The following EYS variants were observed in gnomAD, a reference collection of about 807,000 sequenced individuals.
EYS encodes protein eyes shut homolog.
EYS carries 250 observed loss-of-function variants against 282.1 expected under a neutral mutation model. The observed-to-expected ratio is 0.89, with a 90% CI of 0.80 to 0.98. The LOEUF (loss-of-function observed/expected upper bound fraction) is 0.98. EYS is among the 50% of genes least tolerant of loss of function. The probability of loss-of-function intolerance (pLI) is 0.00; values close to 1 mark genes in which losing one functional copy is unlikely to be tolerated. For synonymous variants in EYS, 1,355 were observed against 1,282.9 expected, an observed-to-expected ratio of 1.06 and a Z score of -1.20; for missense variants, 4,016 against 3,709.0, an observed-to-expected ratio of 1.08 and a Z score of -2.15.
intron 33 of EYS, among the ~76,000 whole-genome samples, chr6:64,023,425 G>A (rs1769287749): frequency 6.6e-6 from 1 of 152,210 alleles, no homozygotes; most frequent in South Asian, 2.1e-4. Flanking sequence ...CCATTAAACT[G>A]TTTCTACCAT....
At position 65,512,278 on chromosome 6, in the gene EYS, G is replaced by A. The variant is rs193176542; in HGVS notation, c.-332-16285C>T. Among the ~76,000 whole-genome samples the A allele has an allele frequency of 9.4e-4, 143 of 152,088 alleles. 1 individual carries two copies. The highest frequency in any genetic ancestry group is 3.3e-3 in the African/African-American group (136 of 41,508). On this transcript the variant is annotated intron_variant, in intron 2 of 42. Transcript: ENST00000503581. ...GAGGCCAAGGCAGGCGGTTCACGAG[G>A]TCAGGAGATCGAGACCATCCTAATT...
intron 26 of EYS, among the ~76,000 whole-genome samples, chr6:64,475,211 T>G (rs1161506693): frequency 1.3e-5 from 2 of 152,170 alleles, no homozygotes; most frequent in Non-Finnish European, 2.9e-5. Flanking sequence ...TGCCTCATAT[T>G]ATACTCCACA....
intron 14 of EYS, among the ~76,000 whole-genome samples, chr6:64,947,576 G>A (rs980137984): frequency 6.0e-5 from 9 of 150,072 alleles, no homozygotes; most frequent in Non-Finnish European, 1.3e-4. Context: ...CACATACCAT[G>A]CTCCCTACAT....
intron 36 of EYS, among the ~76,000 whole-genome samples, chr6:63,840,235 A>ATTATTATTATTATTG (rs112733240): frequency 4.8e-5 from 7 of 145,958 alleles, no homozygotes; most frequent in African/African-American, 7.6e-5. Context: ...TATTATTATT[A>ATTATTATTATTATTG]TTGTATTTTT....
chr6:63,937,104 T>G (rs1765080746), intron 35 of EYS, among the ~76,000 whole-genome samples: 1 of 152,114 alleles, frequency 6.6e-6, no homozygotes, highest in Admixed American at 6.5e-5. Context: ...ATAAGTCCAG[T>G]TTAGCAAACA....
At chr6:65,513,590 C>T (rs985808400) in intron 2 of EYS, among the ~76,000 whole-genome samples, 1 of 152,138 alleles carries the variant, frequency 6.6e-6, no homozygotes, top group Non-Finnish European at 1.5e-5. Context: ...AGCTTATCCA[C>T]CATGATTAAG....
At chr6:63,826,358 C>T (rs999657544) in intron 36 of EYS, among the ~76,000 whole-genome samples, 1 of 152,156 alleles carries the variant, frequency 6.6e-6, no homozygotes. Context: ...TTGCTAGAGA[C>T]ATAGACATCC....
At chr6:63,938,788 G>T (rs183212803) in intron 35 of EYS, among the ~76,000 whole-genome samples, 1 of 152,298 alleles carries the variant, frequency 6.6e-6, no homozygotes, top group East Asian at 1.9e-4. Context: ...GATGCAGTGA[G>T]GAAAAGCCTA....
At chr6:63,763,873 TATA>T (rs1562015011) in intron 40 of EYS, among the ~76,000 whole-genome samples, 16 of 48,888 alleles carry the variant, frequency 3.3e-4, no homozygotes, top group African/African-American at 2.4e-3. Flanking sequence ...TATCTTGTTA[TATA>T]TATATATATA....
chr6:63,989,738 A>G (rs1233395995), intron 34 of EYS, among the ~76,000 whole-genome samples: 1 of 151,438 alleles, frequency 6.6e-6, no homozygotes, highest in Non-Finnish European at 1.5e-5. Context: ...ATGCTGCCTT[A>G]GAATCTCGAT....
In EYS at chr6:65,397,210, C is replaced by T. The variant is rs531407420; in HGVS notation, c.1184+5268G>A. The stretch of plus-strand genomic sequence containing the variant: ...CTCTTTTATTTATTTATTTATTTTA[C>T]ATTTAGAGACTACAAGTGCAGTTTT... On this transcript the variant is annotated intron_variant, in intron 7 of 42. Coordinates refer to ENST00000503581, the MANE Select transcript of EYS (RefSeq NM_001142800.2). Among the ~76,000 whole-genome samples, 11 of 149,658 alleles carry T rather than the reference C, an allele frequency of 7.4e-5. No individual in the cohort carries two copies. The East Asian group carries it at 2.2e-3, about 29-fold the overall frequency.
intron 13 of EYS, among the ~76,000 whole-genome samples, chr6:65,006,343 G>T (rs1414346245): frequency 6.6e-6 from 1 of 151,954 alleles, no homozygotes; most frequent in Non-Finnish European, 1.5e-5. Flanking sequence ...TGTTGTCAGT[G>T]TAAATAAGGG....
chr6:65,331,394 T>C (rs1582148968), intron 11 of EYS: 2 of 781,328 alleles, frequency 2.6e-6, no homozygotes, highest in Non-Finnish European at 3.1e-6. Context: ...ATTCTAAACA[T>C]TTTGCATATC....
chr6:64,095,437 C>T (rs553750639), intron 31 of EYS, among the ~76,000 whole-genome samples: 105 of 152,080 alleles, frequency 6.9e-4, no homozygotes, highest in Non-Finnish European at 9.4e-4. Context: ...TCTGGGTGCT[C>T]CTGTATTGGG....
intron 26 of EYS, among the ~76,000 whole-genome samples, chr6:64,446,810 T>C (rs753497876): frequency 2.2e-4 from 34 of 152,202 alleles, no homozygotes; most frequent in East Asian, 3.9e-4. Flanking sequence ...CAATATAGTA[T>C]AATCCATGAA....
rs1768364817 is a variant in EYS at position 63,721,087 on chromosome 6, T to C, written c.8944A>G (p.Ile2982Val). The C allele has an allele frequency of 3.2e-6, 5 of 1,551,384 alleles. No homozygotes were observed. Among genetic ancestry groups the C allele is most frequent in the South Asian group, 1.2e-5 (1 of 84,056 alleles). ...TTAGTGGTACTGAAATTTAAGGATA[T>C]AGTAGTGAACTGGAGGTTTCTCATT... ...YRMRNLQFTT[I>V]SLNFSTTKTE... The change falls in exon 43 of 43, where the codon ATA (isoleucine) becomes GTA (valine). Residue 2982 changes from isoleucine to valine, a missense_variant. Ile to Val is a conservative substitution (Grantham distance 29, BLOSUM62 3). Coordinates refer to ENST00000503581, the MANE Select transcript of EYS (RefSeq NM_001142800.2).
intron 31 of EYS, among the ~76,000 whole-genome samples, chr6:64,098,067 A>T (rs1344888813): frequency 2.6e-5 from 4 of 152,234 alleles, no homozygotes; most frequent in Admixed American, 6.5e-5. Context: ...GTTACATCTT[A>T]CTGGGTCTAG....
At chr6:64,843,625 T>A (rs964684854) in intron 19 of EYS, among the ~76,000 whole-genome samples, 2 of 152,182 alleles carry the variant, frequency 1.3e-5, no homozygotes, top group African/African-American at 4.8e-5. Context: ...CCAATGCCTG[T>A]AACCTCATTG....
At chr6:64,705,602 G>A (rs577598648) in intron 22 of EYS, among the ~76,000 whole-genome samples, 129 of 151,554 alleles carry the variant, frequency 8.5e-4, no homozygotes, top group Non-Finnish European at 1.1e-3. Flanking sequence ...GATAGACTGG[G>A]TTAAGAAAAT....
Sources: gnomAD v4.1 joint callset for allele counts (sites outside exome capture counted in the v4.1 genomes callset) on GRCh38, gnomAD v4.1.1 for gene constraint, MANE v1.5 for transcripts, NCBI Gene and HGNC (gene_info 2026-07-23, HGNC 2026-07-21) for gene names.